TMEM165: variants seen among roughly 807,000 people sequenced by gnomAD.
TMEM165 encodes the protein putative divalent cation/proton antiporter TMEM165.
A neutral mutation model predicts 30.0 loss-of-function variants in TMEM165; 19 were observed. The observed-to-expected ratio is 0.63, with a 90% CI of 0.44 to 0.93. The LOEUF is 0.93. Among genes scored for constraint, TMEM165 ranks in the 40% least tolerant of loss-of-function variants. TMEM165 has a pLI of 0.00. For missense variants in TMEM165, 340 were observed against 417.0 expected (o/e 0.82, Z 1.61); for synonymous variants, 168 against 162.9 (o/e 1.03, Z -0.24).
intron 3 of TMEM165, chr4:55,444,016 C>G (rs1252873672): frequency 5.1e-6 from 4 of 779,228 alleles, no homozygotes; most frequent in Non-Finnish European, 8.3e-6. Flanking sequence ...AAGGCTAAGT[C>G]ACTTTGAAGA....
downstream of TMEM165, chr4:55,430,348 GTATTT>G (rs1204905109): frequency 6.6e-6 from 1 of 152,100 alleles, no homozygotes; most frequent in Non-Finnish European, 1.5e-5. Context: ...AACCTGCAGA[GTATTT>G]TATTTAAGAA....
At chr4:55,427,014 AGAGT>A (rs1277601921), downstream of TMEM165, among the ~76,000 whole-genome samples, 1 of 150,740 alleles carries the variant, frequency 6.6e-6, no homozygotes, top group Non-Finnish European at 1.5e-5. Context: ...TTATAAAGAA[AGAGT>A]GAGGAATTCT....
intron 2 of TMEM165, among the ~76,000 whole-genome samples, chr4:55,414,388 G>A (rs188205824): frequency 8.6e-5 from 13 of 151,966 alleles, no homozygotes; most frequent in African/African-American, 3.1e-4. Flanking sequence ...AATCATATGT[G>A]TTTATTTCTA....
chr4:55,448,599 CGCGTGTGT>C (rs1423636307), intron 3 of TMEM165, among the ~76,000 whole-genome samples: 7,578 of 105,546 alleles, frequency 0.072, 250 homozygotes, highest in Admixed American at 0.12. Context: ...CGCGCACGCG[CGCGTGTGT>C]GTGTGTGTGT....
intron 1 of TMEM165, among the ~76,000 whole-genome samples, chr4:55,400,655 C>T (rs1211900253): frequency 6.7e-6 from 1 of 149,052 alleles, no homozygotes; most frequent in African/African-American, 2.6e-5. Flanking sequence ...GCCAGGAGGT[C>T]TCCATCTCCT....
intron 3 of TMEM165, among the ~76,000 whole-genome samples, chr4:55,450,662 C>A (rs4864993): frequency 6.6e-6 from 1 of 151,732 alleles, no homozygotes; most frequent in Non-Finnish European, 1.5e-5. Flanking sequence ...CCAGCTACTC[C>A]GGCGGCTGAG....
chr4:55,450,765 T>C (rs1724365643), intron 3 of TMEM165, among the ~76,000 whole-genome samples: 2 of 95,658 alleles, frequency 2.1e-5, no homozygotes, highest in African/African-American at 5.8e-5. Context: ...CGAGACTCCA[T>C]CTCAAAAAAA....
At position 55,424,587 on chromosome 4, in the gene TMEM165, C is replaced by G; in HGVS notation, c.842C>G (p.Thr281Arg). The change falls in exon 5 of 6, where the codon ACG (threonine) becomes AGG (arginine). Residue 281 changes from threonine (T) to arginine (R), a missense_variant. This residue lies in a region of TMEM165 where 220 missense variants were observed against 307.6 expected (regional missense o/e 0.72). Transcript: ENST00000381334. ...GGAACTGTGGGGCACTGCCTGTGCA[C>G]GGGATTGGCAGTAATTGGAGGAAGA... ...VGGTVGHCLCTGLAVIGGRMI... is the reference protein window; with the variant it reads ...VGGTVGHCLCRGLAVIGGRMI... 1 of 1,613,806 alleles carries G rather than the reference C, an allele frequency of 6.2e-7. No homozygotes were observed. Among genetic ancestry groups the G allele is most frequent in the Non-Finnish European group, 8.5e-7 (1 of 1,179,802 alleles).
intron 1 of TMEM165, among the ~76,000 whole-genome samples, chr4:55,401,808 A>C (rs1721004616): frequency 6.7e-6 from 1 of 150,142 alleles, no homozygotes; most frequent in South Asian, 2.1e-4. Flanking sequence ...GTCATCAAAA[A>C]AATTCATTAA....
chr4:55,443,743 T>A, intron 3 of TMEM165: 1 of 1,614,162 alleles, frequency 6.2e-7, no homozygotes, highest in Non-Finnish European at 8.5e-7. Flanking sequence ...GTTGTGCCAA[T>A]GTGTCCAGTA....
intron 3 of TMEM165, 200 bp from the exon 4 acceptor site, chr4:55,417,603 G>T: frequency 1.7e-6 from 1 of 586,664 alleles, no homozygotes; most frequent in Non-Finnish European, 3.0e-6. Context: ...GTTCAGCTGA[G>T]GAGAAACGGA....
intron 1 of TMEM165, among the ~76,000 whole-genome samples, chr4:55,405,307 GA>G (rs1721225919): frequency 6.6e-6 from 1 of 152,144 alleles, no homozygotes; most frequent in African/African-American, 2.4e-5. Flanking sequence ...ACATTGATGA[GA>G]AAAGAAAGTT....
intron 3 of TMEM165, chr4:55,435,683 A>T: frequency 1.5e-6 from 2 of 1,344,972 alleles, no homozygotes; most frequent in South Asian, 1.2e-5. Context: ...GTCCATAGGG[A>T]CAAAATCCTT....
intron 3 of TMEM165, chr4:55,432,458 T>C (rs1156988555): frequency 7.0e-6 from 1 of 142,914 alleles, no homozygotes; most frequent in Non-Finnish European, 1.5e-5. Flanking sequence ...AAAGTGAGAA[T>C]AAAGCAGAGG....
chr4:55,448,728 A>C (rs1724156620), intron 3 of TMEM165: 3 of 1,473,850 alleles, frequency 2.0e-6, no homozygotes, highest in Non-Finnish European at 2.8e-6. Context: ...ATTAGCTTAA[A>C]AGCAATTTAT....
At chr4:55,434,159 C>G (rs912023739) in intron 3 of TMEM165, 1 of 152,548 alleles carries the variant, frequency 6.6e-6, no homozygotes, top group Non-Finnish European at 1.5e-5. Flanking sequence ...CTACGGAAAC[C>G]GGACAATGAC....
At chr4:55,444,763 C>T in intron 3 of TMEM165, 1 of 1,613,876 alleles carries the variant, frequency 6.2e-7, no homozygotes, top group Non-Finnish European at 8.5e-7. Flanking sequence ...TTGCATGGCT[C>T]CTAATTGAGC....
intron 3 of TMEM165, among the ~76,000 whole-genome samples, chr4:55,435,934 C>G (rs1217887916): frequency 1.3e-5 from 2 of 152,126 alleles, no homozygotes; most frequent in Non-Finnish European, 2.9e-5. Flanking sequence ...ATAGTTATGA[C>G]TATATGAAAA....
chr4:55,440,475 G>A (rs1362083753), intron 3 of TMEM165, among the ~76,000 whole-genome samples: 3 of 152,114 alleles, frequency 2.0e-5, no homozygotes, highest in Non-Finnish European at 4.4e-5. Flanking sequence ...TAACATAGAT[G>A]TGGCATGACA....
Sources: gnomAD v4.1 joint callset for allele counts (sites outside exome capture counted in the v4.1 genomes callset) on GRCh38, gnomAD v4.1.1 for gene constraint, gnomAD v4.1.1 regional missense constraint, MANE v1.5 for transcripts, NCBI Gene and HGNC (gene_info 2026-07-23, HGNC 2026-07-21) for gene names.